Variants in ZFYVE9 observed in about 807,000 individuals in gnomAD.
The protein encoded by ZFYVE9 is zinc finger FYVE domain-containing protein 9.
In ZFYVE9, 43 loss-of-function variants were observed where a neutral mutation model predicts 126.7. The observed-to-expected ratio is 0.34, with a 90% confidence interval of 0.27 to 0.44. The LOEUF is 0.44. Ranked by LOEUF, ZFYVE9 falls within the 20% of genes least tolerant of loss-of-function variation. The pLI, the probability that ZFYVE9 is intolerant of heterozygous loss-of-function variation, is 1.00. For missense variants in ZFYVE9, 1,476 were observed against 1,697.0 expected (o/e 0.87, Z 2.29); for synonymous variants, 521 against 597.4 (o/e 0.87, Z 1.87).
At chr1:52,195,874 C>G (rs1050427495) in intron 1 of ZFYVE9, among the ~76,000 whole-genome samples, 19 of 151,912 alleles carry the variant, frequency 1.3e-4, no homozygotes, top group Non-Finnish European at 2.6e-4. Flanking sequence ...CACACTGCAG[C>G]CTCCGCATCA....
intron 13 of ZFYVE9, among the ~76,000 whole-genome samples, chr1:52,312,195 G>C (rs1406137814): frequency 6.6e-6 from 1 of 152,106 alleles, no homozygotes; most frequent in Admixed American, 6.5e-5. Context: ...AGGATGTAGA[G>C]GACATCTGGG....
At chr1:52,189,488 C>T (rs376502338) in intron 1 of ZFYVE9, among the ~76,000 whole-genome samples, 6 of 151,742 alleles carry the variant, frequency 4.0e-5, no homozygotes, top group African/African-American at 9.7e-5. Flanking sequence ...CCACCCACCT[C>T]GGCCTCCCAA....
At chr1:52,212,839 A>G (rs2124588802) in intron 1 of ZFYVE9, among the ~76,000 whole-genome samples, 1 of 152,368 alleles carries the variant, frequency 6.6e-6, no homozygotes, top group African/African-American at 2.4e-5. Context: ...TATAAACATT[A>G]TGGGAACACA....
At chr1:52,162,901 C>G (rs1429121208) in intron 1 of ZFYVE9, 4 of 509,392 alleles carry the variant, frequency 7.9e-6, no homozygotes. Context: ...TTTGAAAACC[C>G]TTGAAGGACT....
intron 4 of ZFYVE9, among the ~76,000 whole-genome samples, chr1:52,251,866 C>T (rs770958753): frequency 1.3e-5 from 2 of 152,040 alleles, no homozygotes; most frequent in African/African-American, 4.8e-5. Context: ...AGTCTCCCCA[C>T]TAGTTATAGG....
intron 13 of ZFYVE9, among the ~76,000 whole-genome samples, chr1:52,315,451 A>T (rs1383040408): frequency 1.3e-5 from 2 of 152,184 alleles, no homozygotes; most frequent in Non-Finnish European, 2.9e-5. Flanking sequence ...CATATATTAA[A>T]TAGTAATGTA....
chr1:52,336,010 T>C (rs1646385025), intron 15 of ZFYVE9, among the ~76,000 whole-genome samples: 1 of 152,110 alleles, frequency 6.6e-6, no homozygotes. Context: ...GGCGCATGCC[T>C]GTAATCCCAG....
chr1:52,162,269 T>C, intron 1 of ZFYVE9: 1 of 333,524 alleles, frequency 3.0e-6, no homozygotes, highest in Non-Finnish European at 6.1e-6. Context: ...TCTGTACCGG[T>C]AATCATAGTC....
chr1:52,229,037 G>A (rs892442150), intron 2 of ZFYVE9, among the ~76,000 whole-genome samples: 1 of 151,824 alleles, frequency 6.6e-6, no homozygotes, highest in African/African-American at 2.4e-5. Flanking sequence ...CACCACACCT[G>A]GCTAATTTTT....
intron 13 of ZFYVE9, among the ~76,000 whole-genome samples, chr1:52,323,151 C>T (rs1646257722): frequency 6.6e-6 from 1 of 152,186 alleles, no homozygotes; most frequent in South Asian, 2.1e-4. Flanking sequence ...TCACTCAGCT[C>T]TGGCCACACT....
At chr1:52,323,603 C>CA (rs1267255475) in intron 13 of ZFYVE9, among the ~76,000 whole-genome samples, 9 of 151,720 alleles carry the variant, frequency 5.9e-5, no homozygotes, top group African/African-American at 2.2e-4. Context: ...CGTGAGACCT[C>CA]AGCTCTACAA....
chr1:52,305,311 G>A (rs2753401), intron 13 of ZFYVE9, among the ~76,000 whole-genome samples: 79 of 152,016 alleles, frequency 5.2e-4, no homozygotes, highest in Middle Eastern at 3.4e-3. Flanking sequence ...TGCCTGTAAT[G>A]CCAGCTACTC....
chr1:52,211,502 A>G lies in ZFYVE9; in HGVS notation c.-142-4867A>G, dbSNP rs565337131. Among the ~76,000 whole-genome samples the G allele has an allele frequency of 2.6e-5, 4 of 152,282 alleles. No homozygotes were observed. The East Asian group carries it at 7.7e-4, about 29-fold the overall frequency. ...GTGATTTTGTACCTGTTGAGTTTGA[A>G]CACTTTGTCAGACTTTCTGGCAGAA... On this transcript the variant is annotated intron_variant, in intron 1 of 18. Coordinates refer to ENST00000287727, the MANE Select transcript of ZFYVE9 (RefSeq NM_004799.4).
At chr1:52,260,813 G>A (rs1471636226) in intron 4 of ZFYVE9, among the ~76,000 whole-genome samples, 1 of 151,870 alleles carries the variant, frequency 6.6e-6, no homozygotes, top group East Asian at 1.9e-4. Context: ...CAAGACTCTA[G>A]CTCAAAGAAA....
At position 52,263,753 on chromosome 1, in the gene ZFYVE9, T is replaced by TTGGGGGGGGG; in HGVS notation, c.2179-20_2179-19insTGGGGGGGGG. ...ATCCCAAGTAAATTTTGTGTGTTCTTCCCCCCCCCCCCCCCACAGGTTTTC... is the reference window on the plus strand; with the variant it reads ...ATCCCAAGTAAATTTTGTGTGTTCTTTGGGGGGGGGCCCCCCCCCCCCCCCACAGGTTTTC... On this transcript the variant is annotated intron_variant, in intron 4 of 18. Coordinates refer to ENST00000287727, the MANE Select transcript of ZFYVE9 (RefSeq NM_004799.4). The TTGGGGGGGGG allele has an allele frequency of 1.4e-6, 1 of 713,090 alleles. No individual in the cohort carries two copies. The highest frequency in any genetic ancestry group is 2.0e-6 in the Non-Finnish European group (1 of 490,712). The allele number at this position is 713,090 out of a possible 1,614,324, so 44.2% of individuals were successfully genotyped here. A position where few individuals can be genotyped will look rare whatever the true frequency, so the allele number is the denominator to read the frequency against.
chr1:52,160,945 T>C (rs950000646), intron 1 of ZFYVE9, among the ~76,000 whole-genome samples: 1 of 152,226 alleles, frequency 6.6e-6, no homozygotes, highest in Non-Finnish European at 1.5e-5. Context: ...ACTCTCCTTA[T>C]TCTGGACATT....
rs867259249 is a variant in ZFYVE9, at chr1:52,340,922, A to C, written c.3939+691A>C. Among the ~76,000 whole-genome samples the C allele has an allele frequency of 8.5e-3, 1,219 of 142,850 alleles. 25 individuals carry two copies. Among genetic ancestry groups the C allele is most frequent in the African/African-American group, 0.033 (1,096 of 33,550 alleles). 93.7% of individuals were successfully genotyped at this position (142,850 alleles called of 152,430 possible). On this transcript the variant is annotated intron_variant, in intron 17 of 18. Transcript: ENST00000287727. Reference sequence around the variant, plus strand: ...TCCGTCTCAAAAAAAAAAAAAAAAAAAAAAAAAAAAACTAGGCCGGGTGTG... The same window carrying C: ...TCCGTCTCAAAAAAAAAAAAAAAAACAAAAAAAAAAACTAGGCCGGGTGTG...
At chr1:52,270,479 T>C (rs1448928388) in intron 7 of ZFYVE9, among the ~76,000 whole-genome samples, 1 of 152,148 alleles carries the variant, frequency 6.6e-6, no homozygotes, top group African/African-American at 2.4e-5. Flanking sequence ...TTAGCCAGGA[T>C]GGTCTCGATC....
At chr1:52,241,707 C>T (rs962364260) in intron 4 of ZFYVE9, among the ~76,000 whole-genome samples, 11 of 151,852 alleles carry the variant, frequency 7.2e-5, no homozygotes, top group African/African-American at 2.7e-4. Context: ...CCTCGTTTAC[C>T]TTAGAGATGT....
Sources: allele counts gnomAD v4.1 joint callset (sites outside exome capture counted in the v4.1 genomes callset), GRCh38; gene constraint gnomAD v4.1.1; transcripts MANE v1.5; gene names NCBI Gene and HGNC (gene_info 2026-07-23, HGNC 2026-07-21).